Variants in RUSC2 observed in about 807,000 individuals in gnomAD.
RUSC2 encodes AP-4 complex accessory subunit RUSC2.
In RUSC2, 34 loss-of-function variants were observed where a neutral mutation model predicts 122.2. That is an observed-to-expected ratio of 0.28 (90% CI 0.21 to 0.37). RUSC2 has a LOEUF of 0.37. RUSC2 is among the 10% of genes least tolerant of loss of function. The pLI is 1.00. For missense variants in RUSC2, 1,747 were observed against 1,952.4 expected (o/e 0.89, Z 1.98); for synonymous variants, 784 against 790.0 (o/e 0.99, Z 0.13).
chr9:35,548,011 G>A lies in RUSC2; in HGVS notation c.1490G>A (p.Arg497His), dbSNP rs146253245. The change falls in exon 2 of 12, where the codon CGC (arginine) becomes CAC (histidine). Residue 497 changes from arginine (R) to histidine (H), a missense_variant. Coordinates refer to ENST00000361226, the MANE Select transcript of RUSC2 (RefSeq NM_014806.5). This position sits in a 1 kb window ranked among gnomAD's most constrained non-coding sequence, Gnocchi z 4.5. ...CTCAGCACTGGACGTCAGCGCTCCC[G>A]CAGCTATGATCGCAGCCTGCAGCGC... ...PNLSTGRQRS[R>H]SYDRSLQRSP... 11 of 1,613,802 alleles carry A rather than the reference G, an allele frequency of 6.8e-6. No homozygotes were observed. Among genetic ancestry groups the A allele is most frequent in the East Asian group, 4.5e-5 (2 of 44,892 alleles).
intron 1 of RUSC2, among the ~76,000 whole-genome samples, chr9:35,524,329 T>C (rs1393134820): frequency 6.6e-6 from 1 of 152,140 alleles, no homozygotes; most frequent in Non-Finnish European, 1.5e-5. Flanking sequence ...AAACCTGTCA[T>C]TTTTCAACCA....
At chr9:35,527,071 G>A (rs922688884) in intron 1 of RUSC2, among the ~76,000 whole-genome samples, 6 of 150,810 alleles carry the variant, frequency 4.0e-5, no homozygotes, top group Non-Finnish European at 7.4e-5. Context: ...TCTTCAGATC[G>A]ATCTTCCAGT....
chr9:35,508,129 A>G (rs769992850), intron 1 of RUSC2, among the ~76,000 whole-genome samples: 7 of 152,130 alleles, frequency 4.6e-5, no homozygotes, highest in Non-Finnish European at 8.8e-5. Context: ...AGGAAAAAGG[A>G]AGCCATCATA....
chr9:35,525,734 G>A (rs1181240335), intron 1 of RUSC2, among the ~76,000 whole-genome samples: 2 of 152,062 alleles, frequency 1.3e-5, no homozygotes, highest in African/African-American at 4.8e-5. Context: ...AGGAGGTGGA[G>A]GTTGCAGTGA....
chr9:35,547,385 C>T lies in RUSC2; in HGVS notation c.864C>T (p.Tyr288=). ...DGVLVTFSTL[Y]NKMHGTPRAN... ...TGCTGGTCACCTTCAGCACCCTCTA[C>T]AACAAGATGCATGGCACCCCCCGTG... The change falls in exon 2 of 12, where the codon TAC becomes TAT. Residue 288 remains tyrosine (Y), a synonymous_variant. Transcript: ENST00000361226. The surrounding 1 kb of genome is among the most constrained non-coding windows in gnomAD (Gnocchi z 4.6). The T allele has an allele frequency of 1.2e-6, 2 of 1,614,196 alleles. No individual in the cohort carries two copies. Among genetic ancestry groups the T allele is most frequent in the Non-Finnish European group, 1.7e-6 (2 of 1,180,028 alleles).
chr9:35,556,169 G>C (rs767975164), intron 4 of RUSC2, 32 bp downstream of exon 4: 1 of 1,609,752 alleles, frequency 6.2e-7, no homozygotes, highest in Admixed American at 1.7e-5. Context: ...TACACCCGGG[G>C]CAGGCTCTGC....
In RUSC2 at chr9:35,560,624, C is replaced by T. The variant is rs774871338; in HGVS notation, c.3984C>T (p.Cys1328=). The T allele has an allele frequency of 1.2e-6, 2 of 1,608,024 alleles. No homozygotes were observed. Among genetic ancestry groups the T allele is most frequent in the Admixed American group, 3.4e-5 (2 of 58,896 alleles). ...REGVVEGAEA[C]PASEEALGRE... ...GAGTAGTGGAGGGGGCTGAGGCCTGCCCTGCCTCTGAGGAGGCCCTGGGCC... is the reference window on the plus strand; with the variant it reads ...GAGTAGTGGAGGGGGCTGAGGCCTGTCCTGCCTCTGAGGAGGCCCTGGGCC... Residue 1328 remains cysteine (C), a synonymous_variant, in exon 10 of 12, where the codon TGC becomes TGT. Coordinates refer to ENST00000361226, the MANE Select transcript of RUSC2 (RefSeq NM_014806.5).
intron 1 of RUSC2, among the ~76,000 whole-genome samples, chr9:35,518,239 T>C (rs181112670): frequency 2.0e-5 from 3 of 152,350 alleles, no homozygotes; most frequent in Non-Finnish European, 2.9e-5. Context: ...CTTCTTAAGG[T>C]ATTAACATGT....
intron 1 of RUSC2, among the ~76,000 whole-genome samples, chr9:35,527,539 C>T (rs1044162273): frequency 3.3e-5 from 5 of 152,122 alleles, no homozygotes; most frequent in African/African-American, 9.7e-5. Flanking sequence ...CTGGTTATTT[C>T]TAATAATTCA....
At chr9:35,529,168 C>A (rs1821375007) in intron 1 of RUSC2, among the ~76,000 whole-genome samples, 1 of 151,974 alleles carries the variant, frequency 6.6e-6, no homozygotes, top group African/African-American at 2.4e-5. Context: ...TGAGGCAAAT[C>A]AAGGAGGGTA....
intron 1 of RUSC2, among the ~76,000 whole-genome samples, chr9:35,508,898 C>G (rs191473626): frequency 1.5e-4 from 23 of 152,258 alleles, no homozygotes; most frequent in Admixed American, 1.5e-3. Context: ...GAATATGAGT[C>G]TACAAATTGA....
chr9:35,518,412 A>G (rs1226240435), intron 1 of RUSC2, among the ~76,000 whole-genome samples: 2 of 152,114 alleles, frequency 1.3e-5, no homozygotes, highest in Non-Finnish European at 2.9e-5. Flanking sequence ...CTCCAGAGTA[A>G]GCTAGTCTAC....
At chr9:35,516,552 A>G (rs1039602408) in intron 1 of RUSC2, among the ~76,000 whole-genome samples, 3 of 152,236 alleles carry the variant, frequency 2.0e-5, no homozygotes, top group Non-Finnish European at 4.4e-5. Flanking sequence ...AATAAGCTAA[A>G]TTCTATAGAT....
At chr9:35,504,308 T>G (rs1186233974) in intron 1 of RUSC2, among the ~76,000 whole-genome samples, 1 of 152,214 alleles carries the variant, frequency 6.6e-6, no homozygotes, top group Admixed American at 6.5e-5. Context: ...TTAACTATTA[T>G]TATTTTGTCT....
At chr9:35,545,417 C>T (rs553380730) in intron 1 of RUSC2, among the ~76,000 whole-genome samples, 1 of 152,222 alleles carries the variant, frequency 6.6e-6, no homozygotes, top group African/African-American at 2.4e-5. Flanking sequence ...GCAGGCCACA[C>T]TGCCACGGTG....
At chr9:35,516,127 T>G (rs1309786206) in intron 1 of RUSC2, among the ~76,000 whole-genome samples, 6 of 152,084 alleles carry the variant, frequency 3.9e-5, no homozygotes, top group Non-Finnish European at 8.8e-5. Context: ...ATAAGTCATT[T>G]GTTTCCTCTA....
chr9:35,499,350 A>G (rs1820780123), intron 1 of RUSC2, among the ~76,000 whole-genome samples: 1 of 152,234 alleles, frequency 6.6e-6, no homozygotes, highest in Non-Finnish European at 1.5e-5. Flanking sequence ...CCTACATAAT[A>G]CATTTTAAAA....
chr9:35,492,839 C>T (rs1329707045), intron 1 of RUSC2, among the ~76,000 whole-genome samples: 1 of 152,110 alleles, frequency 6.6e-6, no homozygotes, highest in African/African-American at 2.4e-5. Context: ...CCCCATTTCT[C>T]CCTACTCCGC....
In RUSC2 at chr9:35,558,651, C is replaced by T. The variant is rs1822076479; in HGVS notation, c.3341+84C>T. ...CTCTGCCTGCACCAAGGAAACAACG[C>T]CCTGGACAGACAGAAAGGGTGGATC... On this transcript the variant is annotated intron_variant, in intron 8 of 11. Coordinates refer to ENST00000361226, the MANE Select transcript of RUSC2 (RefSeq NM_014806.5). This position sits in a 1 kb window ranked among gnomAD's most constrained non-coding sequence, Gnocchi z 4.3. The T allele has an allele frequency of 8.8e-7, 1 of 1,142,690 alleles. No individual in the cohort carries two copies. Among genetic ancestry groups the T allele is most frequent in the African/African-American group, 1.5e-5 (1 of 65,874 alleles). 70.8% of individuals were successfully genotyped at this position (1,142,690 alleles called of 1,614,324 possible).
Sources: allele counts gnomAD v4.1 joint callset (sites outside exome capture counted in the v4.1 genomes callset), GRCh38; gene constraint gnomAD v4.1.1; non-coding constraint Gnocchi (gnomAD v3.1); transcripts MANE v1.5; gene names NCBI Gene and HGNC (gene_info 2026-07-23, HGNC 2026-07-21).